Variants in HERC2 observed in about 807,000 individuals in gnomAD.
HERC2 encodes the protein E3 ubiquitin-protein ligase HERC2.
A neutral mutation model predicts 537.7 loss-of-function variants in HERC2; 102 were observed. That is an observed-to-expected ratio of 0.19 (90% CI 0.16 to 0.22). The LOEUF is 0.22. HERC2 is among the 10% of genes least tolerant of loss of function. The probability of loss-of-function intolerance (pLI) is 1.00; values close to 1 mark genes in which losing one functional copy is unlikely to be tolerated. For synonymous variants in HERC2, 2,224 were observed against 2,466.2 expected, an observed-to-expected ratio of 0.90 and a Z score of 2.91; for missense variants, 4,236 against 6,198.2, an observed-to-expected ratio of 0.68 and a Z score of 10.63.
At position 28,231,086 on chromosome 15, in the gene HERC2, G is replaced by T. The variant is rs1286173836; in HGVS notation, c.4676-586C>A. 5.3e-5 allele frequency among the ~76,000 whole-genome samples: 8 copies of T among 152,132 alleles called. No homozygotes were observed. In the East Asian group the frequency reaches 1.5e-3, roughly 29 times the overall value. On this transcript the variant is annotated intron_variant, in intron 30 of 92. Coordinates refer to ENST00000261609, the MANE Select transcript of HERC2 (RefSeq NM_004667.6). ...TCAGTGGTTCTGTTACTGTGTAACT[G>T]AATCAACTGAATTCACTGCGATATG...
intron 79 of HERC2, 112 bp from the exon 80 acceptor site, chr15:28,132,942 A>T: frequency 1.1e-6 from 1 of 876,790 alleles, no homozygotes; most frequent in South Asian, 2.6e-5. Context: ...TGTTAAATCA[A>T]TCAAGAAGAA....
chr15:28,173,560 A>G (rs1378538222), intron 65 of HERC2, among the ~76,000 whole-genome samples: 5 of 152,234 alleles, frequency 3.3e-5, no homozygotes, highest in Admixed American at 3.3e-4. Context: ...GCACTTTGGG[A>G]GGCCAAGATG....
chr15:28,264,185 C>T (rs986635430), intron 14 of HERC2, among the ~76,000 whole-genome samples: 5 of 152,130 alleles, frequency 3.3e-5, no homozygotes, highest in East Asian at 1.9e-4. Context: ...TTTTCCTCAA[C>T]GATCAGATGG....
chr15:28,185,730 G>A (rs1026121109), intron 56 of HERC2, among the ~76,000 whole-genome samples: 2 of 152,198 alleles, frequency 1.3e-5, no homozygotes, highest in East Asian at 1.9e-4. Context: ...ACTTCTGTAC[G>A]TATGGCCTGG....
chr15:28,315,612 G>A (rs139836062), intron 2 of HERC2: 3,264 of 515,730 alleles, frequency 6.3e-3, no homozygotes, highest in African/African-American at 0.055. Flanking sequence ...GGGCAACATG[G>A]TGAAACCCCA....
chr15:28,271,503 C>G (rs2140991623), intron 9 of HERC2, among the ~76,000 whole-genome samples: 3 of 152,156 alleles, frequency 2.0e-5, no homozygotes, highest in Admixed American at 2.0e-4. Flanking sequence ...CCCATCTTTA[C>G]TAAAAATACA....
intron 55 of HERC2, among the ~76,000 whole-genome samples, chr15:28,187,909 C>A (rs1298173296): frequency 6.6e-6 from 1 of 152,152 alleles, no homozygotes; most frequent in Non-Finnish European, 1.5e-5. Flanking sequence ...CAACATTCCT[C>A]CATCACTGTA....
intron 2 of HERC2, among the ~76,000 whole-genome samples, chr15:28,318,624 A>G (rs1245368468): frequency 6.5e-3 from 2 of 310 alleles, no homozygotes; most frequent in Admixed American, 0.083. Flanking sequence ...CTCCATCTCA[A>G]AAAAAAAAAA....
At chr15:28,274,839 G>A (rs898284777) in intron 6 of HERC2, 66 bp downstream of exon 6, 26 of 1,270,574 alleles carry the variant, frequency 2.0e-5, no homozygotes, top group East Asian at 1.2e-4. Flanking sequence ...TGGCTGAACC[G>A]AGTTCGAAAC....
In HERC2 at chr15:28,236,538, G is replaced by A. The variant is rs575064674; in HGVS notation, c.4003+425C>T. 4.9e-4 allele frequency among the ~76,000 whole-genome samples: 74 copies of A among 151,948 alleles called. No individual in the cohort carries two copies. In the East Asian group the frequency reaches 9.5e-3, roughly 20 times the overall value. ...ACTCCTGACCTCAGGTGATCCACCC[G>A]CCTCAGCCTCCCAAAGTGCTGGGAT... On this transcript the variant is annotated intron_variant, in intron 26 of 92. Coordinates refer to ENST00000261609, the MANE Select transcript of HERC2 (RefSeq NM_004667.6).
rs748053596 is a variant in HERC2, at chr15:28,224,166, C to CACACACACACACAG, written c.5465-1952_5465-1951insCTGTGTGTGTGTGT. 5.8e-4 allele frequency among the ~76,000 whole-genome samples: 86 copies of CACACACACACACAG among 147,740 alleles called. 1 individual carries two copies. The Middle Eastern group carries it at 0.01, about 18-fold the overall frequency. ...ACACACACCCACACACACACACACA[C>CACACACACACACAG]AGAGAGAGAGAGAAACAGACAGACA... On this transcript the variant is annotated intron_variant, in intron 35 of 92. Transcript: ENST00000261609.
intron 5 of HERC2, among the ~76,000 whole-genome samples, chr15:28,276,046 G>A (rs1165690179): frequency 5.3e-5 from 8 of 151,186 alleles, no homozygotes; most frequent in Non-Finnish European, 8.8e-5. Context: ...AATTAGCCAG[G>A]TGTGGTGACG....
At chr15:28,149,326 C>T (rs567794473) in intron 70 of HERC2, among the ~76,000 whole-genome samples, 1 of 151,700 alleles carries the variant, frequency 6.6e-6, no homozygotes, top group African/African-American at 2.4e-5. Context: ...AAAATGGCCA[C>T]ACCAACATAC....
chr15:28,129,957 G>C (rs370071411), intron 83 of HERC2, among the ~76,000 whole-genome samples: 1 of 152,180 alleles, frequency 6.6e-6, no homozygotes, highest in East Asian at 1.9e-4. Context: ...TGTATTTTTA[G>C]TAGAGATGAT....
chr15:28,289,424 G>C (rs1480857817), intron 4 of HERC2, among the ~76,000 whole-genome samples: 1 of 152,060 alleles, frequency 6.6e-6, no homozygotes, highest in Admixed American at 6.6e-5. Context: ...AATACATGAA[G>C]CAAAACCTGC....
chr15:28,228,064 G>A (rs145223332), intron 35 of HERC2, among the ~76,000 whole-genome samples, 154 bp downstream of exon 35: 169 of 151,404 alleles, frequency 1.1e-3, no homozygotes, highest in African/African-American at 4.0e-3. Context: ...ATTTGATACC[G>A]CTGAATTGTG....
intron 58 of HERC2, 32 bp downstream of exon 58, chr15:28,179,110 T>G (rs1266725583): frequency 6.2e-7 from 1 of 1,600,582 alleles, no homozygotes; most frequent in Non-Finnish European, 8.5e-7. Flanking sequence ...CAAGCATAAT[T>G]TAAAAATTTT....
intron 20 of HERC2, among the ~76,000 whole-genome samples, chr15:28,251,936 A>G (rs1399019035): frequency 1.3e-5 from 2 of 152,196 alleles, no homozygotes; most frequent in Non-Finnish European, 2.9e-5. Context: ...ATCCTCAAAA[A>G]CCATCAGGGT....
intron 66 of HERC2, among the ~76,000 whole-genome samples, chr15:28,168,918 T>C (rs945442011): frequency 1.3e-5 from 2 of 152,200 alleles, no homozygotes; most frequent in East Asian, 3.9e-4. Context: ...GGCTGGATAA[T>C]TGACCAGCAG....
Sources: allele counts gnomAD v4.1 joint callset (sites outside exome capture counted in the v4.1 genomes callset), GRCh38; gene constraint gnomAD v4.1.1; transcripts MANE v1.5; gene names NCBI Gene and HGNC (gene_info 2026-07-23, HGNC 2026-07-21).